FAM234A: variants seen among roughly 807,000 people sequenced by gnomAD.
The protein encoded by FAM234A is protein FAM234A.
FAM234A carries 42 observed loss-of-function variants against 49.1 expected under a neutral mutation model. That is an observed-to-expected ratio of 0.86 (90% CI 0.67 to 1.11). FAM234A has a LOEUF of 1.11. Ranked by LOEUF, FAM234A falls within the 50% of genes least tolerant of loss-of-function variation. The pLI, the probability that FAM234A is intolerant of heterozygous loss-of-function variation, is 0.00. For synonymous variants in FAM234A, 369 were observed against 316.2 expected (o/e 1.17, Z -1.77); for missense variants, 815 against 745.2 (o/e 1.09, Z -1.09).
rs779100786 is a variant in FAM234A, at chr16:262,486, C to T, written c.904C>T (p.Pro302Ser). ...LYEKVTGSGG[P>S]FKSDPHWESM... ...CGAGAAGGTGACCGGGAGCGGCGGC[C>T]CGTTCAAGAGTGACCCGCACTGGGA... The change falls in exon 8 of 13, where the codon CCG (proline) becomes TCG (serine). Residue 302 changes from proline (P) to serine (S), a missense_variant. Physicochemically the swap from Pro to Ser is moderately conservative, Grantham distance 74. Coordinates refer to ENST00000399932, the MANE Select transcript of FAM234A (RefSeq NM_032039.4). The T allele has an allele frequency of 6.2e-7, 1 of 1,612,518 alleles. No individual in the cohort carries two copies. Among genetic ancestry groups the T allele is most frequent in the Non-Finnish European group, 8.5e-7 (1 of 1,179,332 alleles).
intron 1 of FAM234A, among the ~76,000 whole-genome samples, chr16:247,895 C>T (rs986439414): frequency 2.0e-5 from 3 of 152,066 alleles, no homozygotes; most frequent in African/African-American, 7.3e-5. Context: ...TCTACCCTGA[C>T]CTGGGTTCGC....
intron 5 of FAM234A, chr16:261,132 C>T (rs981870699): frequency 3.7e-5 from 15 of 408,002 alleles, no homozygotes; most frequent in African/African-American, 1.4e-4. Context: ...AGGCTGTCAG[C>T]GTTTGGCATA....
intron 5 of FAM234A, chr16:260,486 T>G (rs1232573671): frequency 6.0e-6 from 3 of 498,490 alleles, no homozygotes; most frequent in East Asian, 5.3e-5. Flanking sequence ...TCCTGGGGTG[T>G]CAGTGGTGGC....
Position 261,724 on chromosome 16 carries a change from A to G in FAM234A, c.708+210A>G, listed in dbSNP as rs537867168. On this transcript the variant is annotated intron_variant, in intron 6 of 12. Transcript: ENST00000399932. ...CAGGCAGCTTTGGGGCCTCCCCAAG[A>G]ATGGTGGAGTACACACTTCCCATTT... is the stretch of plus-strand genomic sequence containing the variant. 5.3e-5 allele frequency among the ~76,000 whole-genome samples: 8 copies of G among 152,254 alleles called. No individual in the cohort carries two copies. The South Asian group carries it at 1.7e-3, about 32-fold the overall frequency.
Position 260,118 on chromosome 16 carries a change from G to C in FAM234A, c.535G>C (p.Val179Leu), listed in dbSNP as rs1325010539. 6.2e-7 allele frequency: 1 copy of C among 1,613,800 alleles called. No individual in the cohort carries two copies. The highest frequency in any genetic ancestry group is 1.3e-5 in the African/African-American group (1 of 74,952). ...GSEAPSACIL[V>L]GRPSSFIAVN... ...TGAGGCACCTTCTGCCTGCATCCTG[G>C]TGGGCAGACCCAGTTCTTTCATTGC... The change falls in exon 5 of 13, where the codon GTG becomes CTG. Residue 179 changes from valine (V) to leucine (L), a missense_variant. By Grantham distance (32) the Val-to-Leu change is conservative (BLOSUM62 1). Coordinates refer to ENST00000399932, the MANE Select transcript of FAM234A (RefSeq NM_032039.4).
intron 1 of FAM234A, among the ~76,000 whole-genome samples, chr16:247,811 C>T (rs959957117): frequency 2.8e-4 from 43 of 152,042 alleles, no homozygotes; most frequent in Non-Finnish European, 2.1e-4. Context: ...AATGCCTCAA[C>T]GGCTGGCTCG....
At chr16:248,351 G>A (rs1455754747) in intron 1 of FAM234A, 1 of 152,040 alleles carries the variant, frequency 6.6e-6, no homozygotes, top group East Asian at 1.9e-4. Context: ...GCCACAGAAT[G>A]TCCAGTTTGG....
intron 9 of FAM234A, 149 bp downstream of exon 9, chr16:263,551 C>G (rs749368129): frequency 5.8e-5 from 75 of 1,301,304 alleles, no homozygotes; most frequent in Non-Finnish European, 7.8e-5. Context: ...CTGGTACTTG[C>G]CCCTTGCCCC....
At chr16:259,443 G>T (rs751089087) in intron 3 of FAM234A, 40 bp from the exon 4 acceptor site, 1 of 1,175,558 alleles carries the variant, frequency 8.5e-7, no homozygotes, top group Admixed American at 1.7e-5. Context: ...TGGAAACCAG[G>T]CATGGCCCGC....
rs59549388 is a variant in FAM234A at position 244,682 on chromosome 16, C to CTTT, written c.-139-4846_-139-4844dup. On this transcript the variant is annotated intron_variant, in intron 1 of 12. Coordinates refer to ENST00000399932, the MANE Select transcript of FAM234A (RefSeq NM_032039.4). ...AGTCTGCTTCCCTGAATGGTAACCTCTTTTTTTTTTTTTTTTTTTTTTTGA... is the reference window on the plus strand; with the variant it reads ...AGTCTGCTTCCCTGAATGGTAACCTCTTTTTTTTTTTTTTTTTTTTTTTTTTGA... Among the ~76,000 whole-genome samples, 273 of 86,660 alleles carry CTTT rather than the reference C, an allele frequency of 3.2e-3. 1 individual carries two copies. Among genetic ancestry groups the CTTT allele is most frequent in the African/African-American group, 3.9e-3 (82 of 21,174 alleles). 56.9% of individuals were successfully genotyped at this position (86,660 alleles called of 152,430 possible).
chr16:263,481 A>T, intron 9 of FAM234A, 79 bp downstream of exon 9: 1 of 1,564,390 alleles, frequency 6.4e-7, no homozygotes, highest in South Asian at 1.1e-5. Context: ...GCTGGCGAGG[A>T]GACAGCGCTG....
At chr16:259,858 G>A (rs1040069640) in intron 4 of FAM234A, 111 bp from the exon 5 acceptor site, 1 of 981,470 alleles carries the variant, frequency 1.0e-6, no homozygotes. Flanking sequence ...GGGAGGGGCT[G>A]TGGCCTAGGA....
Position 240,260 on chromosome 16 carries a change from A to G in FAM234A, c.-140+5403A>G, listed in dbSNP as rs1047159455. On this transcript the variant is annotated intron_variant, in intron 1 of 12. Coordinates refer to ENST00000399932, the MANE Select transcript of FAM234A (RefSeq NM_032039.4). ...ATTATGGATGATGAAGTCTGTCGGA[A>G]AATTCAGATCTTGATTGTGAGTTAT... is the stretch of plus-strand genomic sequence containing the variant. 3 of 152,186 alleles carry G rather than the reference A, an allele frequency of 2.0e-5. 1 individual carries two copies. Among genetic ancestry groups the G allele is most frequent in the Non-Finnish European group, 4.4e-5 (3 of 68,040 alleles). 9.4% of individuals were successfully genotyped at this position (152,186 alleles called of 1,614,324 possible). A position where few individuals can be genotyped will look rare whatever the true frequency, so the allele number is the denominator to read the frequency against.
chr16:264,513 C>A, intron 11 of FAM234A, 101 bp from the exon 12 acceptor site: 1 of 897,784 alleles, frequency 1.1e-6, no homozygotes, highest in Non-Finnish European at 1.7e-6. Context: ...CAGATAGGGC[C>A]CCTAGCAGAC....
At position 264,026 on chromosome 16, in the gene FAM234A, T is replaced by C. The variant is rs756636372; in HGVS notation, c.1199T>C (p.Leu400Pro). 1 of 1,612,762 alleles carries C rather than the reference T, an allele frequency of 6.2e-7. No individual in the cohort carries two copies. The highest frequency in any genetic ancestry group is 8.5e-7 in the Non-Finnish European group (1 of 1,179,590). ...GTGTDRQILF[L>P]DLGTGAVLCS... ...CCCCTCCCTCCCCAGATCCTGTTTC[T>C]GGACCTTGGCACTGGAGCCGTCCTG... Residue 400 changes from leucine to proline, a missense_variant, in exon 11 of 13, where the codon CTG (leucine) becomes CCG (proline). Physicochemically the swap from Leu to Pro is moderately conservative, Grantham distance 98. Transcript: ENST00000399932.
chr16:268,456 C>T (rs945325938), downstream of FAM234A: 119 of 449,860 alleles, frequency 2.6e-4, no homozygotes, highest in Non-Finnish European at 4.5e-4. Flanking sequence ...CCAGCTGTAC[C>T]TTCACCCAGT....
chr16:256,031 CG>C (rs1346036228), intron 3 of FAM234A, among the ~76,000 whole-genome samples: 2 of 152,296 alleles, frequency 1.3e-5, no homozygotes, highest in East Asian at 3.9e-4. Context: ...CTTAACTTAG[CG>C]TGATGTTTTG....
chr16:239,796 C>A (rs1265504967), intron 1 of FAM234A, among the ~76,000 whole-genome samples: 3 of 152,074 alleles, frequency 2.0e-5, no homozygotes. Flanking sequence ...GTGAGCCCTT[C>A]TCAAGTACTG....
chr16:267,420 C>A (rs1043116182), downstream of FAM234A, among the ~76,000 whole-genome samples: 3 of 152,102 alleles, frequency 2.0e-5, no homozygotes, highest in Non-Finnish European at 4.4e-5. Context: ...CCTCCCTCAC[C>A]ACACACTGCA....
Sources: gnomAD v4.1 joint callset for allele counts (sites outside exome capture counted in the v4.1 genomes callset) on GRCh38, gnomAD v4.1.1 for gene constraint, MANE v1.5 for transcripts, NCBI Gene and HGNC (gene_info 2026-07-23, HGNC 2026-07-21) for gene names.